Variants in CFAP58 observed in about 807,000 individuals in gnomAD.
CFAP58 encodes the protein cilia and flagella associated protein 58, also known as cilia- and flagella-associated protein 58.
Under a neutral mutation model 119.5 loss-of-function variants are expected in CFAP58, and 88 were observed. The observed-to-expected ratio is 0.74, with a 90% CI of 0.62 to 0.88. The LOEUF is 0.88. Among genes scored for constraint, CFAP58 ranks in the 40% least tolerant of loss-of-function variants. The pLI is 0.00. For synonymous variants in CFAP58, 365 were observed against 366.3 expected, an observed-to-expected ratio of 1.00 and a Z score of 0.04; for missense variants, 990 against 1,021.2, an observed-to-expected ratio of 0.97 and a Z score of 0.42.
chr10:104,387,468 G>A (rs1277195669), intron 9 of CFAP58, among the ~76,000 whole-genome samples: 3 of 152,186 alleles, frequency 2.0e-5, no homozygotes, highest in African/African-American at 7.2e-5. Flanking sequence ...ACATGGCCAA[G>A]GCTAACATCA....
intron 15 of CFAP58, among the ~76,000 whole-genome samples, chr10:104,427,588 C>G (rs1190170963): frequency 6.6e-6 from 1 of 152,200 alleles, no homozygotes; most frequent in East Asian, 1.9e-4. Context: ...CGATTAATCT[C>G]TAACACACAC....
chr10:104,378,801 T>C (rs945105153), intron 8 of CFAP58, among the ~76,000 whole-genome samples: 1 of 152,102 alleles, frequency 6.6e-6, no homozygotes, highest in Non-Finnish European at 1.5e-5. Context: ...GTGAACACTT[T>C]TGCATGAGCA....
intron 9 of CFAP58, among the ~76,000 whole-genome samples, chr10:104,382,530 C>T (rs2011835012): frequency 6.6e-6 from 1 of 152,180 alleles, no homozygotes; most frequent in South Asian, 2.1e-4. Context: ...TAACACTTTT[C>T]ATATCACAGC....
the CFAP58 span, among the ~76,000 whole-genome samples, chr10:104,345,981 A>T: frequency 0.024 from 3,624 of 152,174 alleles, 84 homozygotes; most frequent in Middle Eastern, 0.071. Context: ...TGGGTAATTT[A>T]TAAAAGAGAG....
chr10:104,446,984 G>C (rs191334550), intron 15 of CFAP58, among the ~76,000 whole-genome samples: 110 of 151,952 alleles, frequency 7.2e-4, no homozygotes, highest in African/African-American at 2.6e-3. Flanking sequence ...GACATTTTCA[G>C]ATTTCTTTTC....
intron 12 of CFAP58, among the ~76,000 whole-genome samples, 191 bp downstream of exon 12, chr10:104,399,691 G>A (rs79297087): frequency 0.029 from 4,458 of 151,510 alleles, 139 homozygotes; most frequent in Admixed American, 0.086. Flanking sequence ...CACTTCCCAC[G>A]CCTTAGTCAC....
At position 104,362,160 on chromosome 10, in the gene CFAP58, C is replaced by G; in HGVS notation, c.429C>G (p.Asp143Glu). The change falls in exon 3 of 18, where the codon GAC (aspartate) becomes GAG (glutamate). Residue 143 changes from aspartate to glutamate, a missense_variant. Transcript: ENST00000369704. ...AGCAGGGGTCTGGACTGTCAATGGACCAGCATAGCAAGTAGGTCATAGCCT... is the reference window on the plus strand; with the variant it reads ...AGCAGGGGTCTGGACTGTCAATGGAGCAGCATAGCAAGTAGGTCATAGCCT... ...LVEQGSGLSM[D>E]QHSNIRDLLR... 1 of 1,612,522 alleles carries G rather than the reference C, an allele frequency of 6.2e-7. No homozygotes were observed. Among genetic ancestry groups the G allele is most frequent in the Non-Finnish European group, 8.5e-7 (1 of 1,179,420 alleles).
At position 104,357,934 on chromosome 10, in the gene CFAP58, CACAT is replaced by C. The variant is rs1294646380; in HGVS notation, c.10-405_10-402del. ...ACACACATATATGTACACATATACA[CACAT>C]ATATGTACACATATATACACATATA... On this transcript the variant is annotated intron_variant, in intron 1 of 17. Transcript: ENST00000369704. Among the ~76,000 whole-genome samples, 124 of 114,640 alleles carry C rather than the reference CACAT, an allele frequency of 1.1e-3. 8 individuals carry two copies. Among genetic ancestry groups the C allele is most frequent in the Admixed American group, 2.5e-3 (32 of 12,900 alleles). 75.2% of individuals were successfully genotyped at this position (114,640 alleles called of 152,430 possible). A position where few individuals can be genotyped will look rare whatever the true frequency, so the allele number is the denominator to read the frequency against.
At position 104,395,080 on chromosome 10, in the gene CFAP58, C is replaced by T. The variant is rs1199942982; in HGVS notation, c.1674+1605C>T. ...ATTAATTATTACTCCATAATGGGGT[C>T]CAAGTTGGAACTAATGTCGTTCTAC... On this transcript the variant is annotated intron_variant, in intron 11 of 17. Coordinates refer to ENST00000369704, the MANE Select transcript of CFAP58 (RefSeq NM_001008723.2). 1.1e-4 allele frequency among the ~76,000 whole-genome samples: 17 copies of T among 152,166 alleles called. No homozygotes were observed. The East Asian group carries it at 3.3e-3, about 29-fold the overall frequency.
intron 11 of CFAP58, among the ~76,000 whole-genome samples, chr10:104,395,071 T>C (rs377408758): frequency 5.3e-5 from 8 of 152,228 alleles, no homozygotes; most frequent in African/African-American, 1.9e-4. Context: ...TATTACTCCA[T>C]AATGGGGTCC....
chr10:104,425,673 A>T (rs2012732512), intron 15 of CFAP58, among the ~76,000 whole-genome samples: 1 of 152,202 alleles, frequency 6.6e-6, no homozygotes, highest in East Asian at 1.9e-4. Context: ...CCCGTGGCAG[A>T]GTCGGGGCCC....
chr10:104,357,855 A>G (rs71496568), intron 1 of CFAP58, among the ~76,000 whole-genome samples: 4,040 of 46,740 alleles, frequency 0.086, 272 homozygotes, highest in South Asian at 0.19. Flanking sequence ...GTACACATAT[A>G]TACACATATA....
intron 4 of CFAP58, 134 bp from the exon 5 acceptor site, chr10:104,365,680 C>A: frequency 1.5e-6 from 1 of 659,018 alleles, no homozygotes; most frequent in African/African-American, 1.8e-5. Flanking sequence ...AGGATGTCTG[C>A]CCTATAGGGG....
intron 15 of CFAP58, among the ~76,000 whole-genome samples, chr10:104,412,570 A>G (rs561508757): frequency 6.6e-6 from 1 of 152,302 alleles, no homozygotes; most frequent in South Asian, 2.1e-4. Flanking sequence ...AAACTAAAAT[A>G]TTAGAGAAGT....
At chr10:104,371,126 C>A in intron 7 of CFAP58, 72 bp downstream of exon 7, 3 of 1,418,300 alleles carry the variant, frequency 2.1e-6, no homozygotes, top group Non-Finnish European at 2.9e-6. Context: ...TAACCCAGGG[C>A]TCCATGTTTC....
chr10:104,416,398 A>C (rs954906236), intron 15 of CFAP58, among the ~76,000 whole-genome samples: 5 of 152,186 alleles, frequency 3.3e-5, no homozygotes, highest in African/African-American at 1.2e-4. Flanking sequence ...CTGAACTGGA[A>C]ATCACTGCTT....
rs768320781 is a variant in CFAP58 at position 104,399,459 on chromosome 10, G to T, written c.1774G>T (p.Ala592Ser). Reference protein sequence around the residue: ...ERKLLRIIAEADGERLRQKKE... With the variant: ...ERKLLRIIAESDGERLRQKKE... ...AAAACTCCTGCGAATAATTGCTGAG[G>T]CTGACGGGGAGAGGTTGAGACAGAA... Residue 592 changes from alanine to serine, a missense_variant, in exon 12 of 18, where the codon GCT becomes TCT. Coordinates refer to ENST00000369704, the MANE Select transcript of CFAP58 (RefSeq NM_001008723.2). 1.2e-6 allele frequency: 2 copies of T among 1,613,834 alleles called. No homozygotes were observed. The highest frequency in any genetic ancestry group is 8.5e-7 in the Non-Finnish European group (1 of 1,179,890).
intron 9 of CFAP58, among the ~76,000 whole-genome samples, chr10:104,383,753 AACACACACAC>A (rs59181888): frequency 2.1e-5 from 3 of 145,848 alleles, no homozygotes; most frequent in South Asian, 2.2e-4. Flanking sequence ...TTTACTGTCC[AACACACACAC>A]ACACACACAC....
chr10:104,386,592 G>A (rs116464585), intron 9 of CFAP58, among the ~76,000 whole-genome samples: 2,106 of 152,066 alleles, frequency 0.014, 60 homozygotes, highest in African/African-American at 0.047. Context: ...GAGGAGGCCC[G>A]TGTGCACGTA....
Sources: gnomAD v4.1 joint callset for allele counts (sites outside exome capture counted in the v4.1 genomes callset) on GRCh38, gnomAD v4.1.1 for gene constraint, MANE v1.5 for transcripts, NCBI Gene and HGNC (gene_info 2026-07-23, HGNC 2026-07-21) for gene names.